The following GRB10 variants were observed in gnomAD, a reference collection of about 807,000 sequenced individuals.
GRB10 encodes the protein growth factor receptor bound protein 10.
A neutral mutation model predicts 80.9 loss-of-function variants in GRB10; 20 were observed. That is an observed-to-expected ratio of 0.25 (90% confidence interval 0.17 to 0.36). The LOEUF (loss-of-function observed/expected upper bound fraction) is 0.36, where lower values mean the gene tolerates loss of function less well. Among genes scored for constraint, GRB10 ranks in the 10% least tolerant of loss-of-function variants. The probability of loss-of-function intolerance (pLI) is 1.00; values close to 1 mark genes in which losing one functional copy is unlikely to be tolerated. For missense variants in GRB10, 548 were observed against 747.7 expected (o/e 0.73, Z 3.12); for synonymous variants, 291 against 291.5 (o/e 1.00, Z 0.02).
At chr7:50,694,522 ACT>A (rs1445802298) in intron 5 of GRB10, among the ~76,000 whole-genome samples, 1 of 152,020 alleles carries the variant, frequency 6.6e-6, no homozygotes, top group Non-Finnish European at 1.5e-5. Context: ...ACCTTGAATG[ACT>A]CTGGCCAATA....
intron 7 of GRB10, among the ~76,000 whole-genome samples, chr7:50,667,388 C>A (rs1441436014): frequency 6.6e-6 from 1 of 152,102 alleles, no homozygotes; most frequent in East Asian, 1.9e-4. Flanking sequence ...ACTTCAGAAT[C>A]CTTGACTAGA....
At chr7:50,792,921 C>A (rs1289365040) in intron 1 of GRB10, 1 of 147,982 alleles carries the variant, frequency 6.8e-6, no homozygotes, top group Admixed American at 6.7e-5. Context: ...CACCTCCCCC[C>A]AGGGGTCGGG....
Position 50,592,871 on chromosome 7 carries a change from T to G in GRB10, c.*81A>C. 1.3e-6 allele frequency: 2 copies of G among 1,493,214 alleles called. No homozygotes were observed. The allele number at this position is 1,493,214 out of a possible 1,614,324, so 92.5% of individuals were successfully genotyped here. ...TGGGTCCCCAGGTGCAGAATCGATG[T>G]GTGTTCTTCACCAACGCACAGACCG... On this transcript the variant is annotated 3_prime_UTR_variant, in exon 19 of 19. Transcript: ENST00000401949.
intron 5 of GRB10, among the ~76,000 whole-genome samples, chr7:50,701,049 T>C (rs1329046353): frequency 2.0e-5 from 3 of 152,212 alleles, no homozygotes; most frequent in African/African-American, 7.2e-5. Context: ...TCTCTTCACA[T>C]CTTGTTTTTT....
At chr7:50,727,326 G>C (rs1429751485) in intron 4 of GRB10, among the ~76,000 whole-genome samples, 2 of 152,214 alleles carry the variant, frequency 1.3e-5, no homozygotes, top group East Asian at 3.9e-4. Context: ...GTGGCCCATG[G>C]TTGGTTGTTG....
At chr7:50,743,257 T>C (rs1052948945) in intron 3 of GRB10, among the ~76,000 whole-genome samples, 1 of 152,248 alleles carries the variant, frequency 6.6e-6, no homozygotes, top group Non-Finnish European at 1.5e-5. Context: ...GAGGATGACC[T>C]TTGATTTTTT....
intron 7 of GRB10, among the ~76,000 whole-genome samples, chr7:50,663,262 T>C (rs2059456601): frequency 6.6e-6 from 1 of 152,098 alleles, no homozygotes; most frequent in African/African-American, 2.4e-5. Flanking sequence ...TGAAGGGACC[T>C]TCCCCCACAA....
At chr7:50,756,932 C>T (rs1052688667) in intron 2 of GRB10, among the ~76,000 whole-genome samples, 1 of 152,192 alleles carries the variant, frequency 6.6e-6, no homozygotes, top group Non-Finnish European at 1.5e-5. Context: ...AGCCTCCTAT[C>T]GCTGTTGGGC....
intron 3 of GRB10, among the ~76,000 whole-genome samples, chr7:50,744,196 C>G (rs1367585102): frequency 6.6e-6 from 1 of 152,156 alleles, no homozygotes; most frequent in African/African-American, 2.4e-5. Flanking sequence ...GGCGCTGCAA[C>G]ACCACGACCA....
chr7:50,736,853 C>A (rs577850288), intron 3 of GRB10, among the ~76,000 whole-genome samples: 1 of 152,242 alleles, frequency 6.6e-6, no homozygotes, highest in South Asian at 2.1e-4. Flanking sequence ...CAAAATGAAG[C>A]TGGACTCTAA....
At chr7:50,714,902 G>A (rs2066603376) in intron 4 of GRB10, among the ~76,000 whole-genome samples, 1 of 152,114 alleles carries the variant, frequency 6.6e-6, no homozygotes, top group Non-Finnish European at 1.5e-5. Context: ...GCCGTAGGAG[G>A]CACATGACAC....
intron 8 of GRB10, among the ~76,000 whole-genome samples, chr7:50,623,489 G>A (rs749731784): frequency 1.2e-4 from 19 of 152,156 alleles, no homozygotes; most frequent in African/African-American, 1.9e-4. Context: ...AGCACAGAGC[G>A]GGCAGGAAAA....
intron 4 of GRB10, chr7:50,726,996 T>G (rs984122734): frequency 6.6e-6 from 1 of 152,208 alleles, no homozygotes; most frequent in African/African-American, 2.4e-5. Flanking sequence ...CCCCACCGCG[T>G]AGCATTGGCA....
At position 50,716,574 on chromosome 7, in the gene GRB10, T is replaced by G. The variant is rs936036429; in HGVS notation, c.52-12666A>C. ...TAAAATGATGAAGATAAATATGCTCTGTGCATTCAAGAAGGAAAAGCAAAG... is the reference window on the plus strand; with the variant it reads ...TAAAATGATGAAGATAAATATGCTCGGTGCATTCAAGAAGGAAAAGCAAAG... On this transcript the variant is annotated intron_variant, in intron 4 of 18. Transcript: ENST00000401949. Among the ~76,000 whole-genome samples, 6 of 152,218 alleles carry G rather than the reference T, an allele frequency of 3.9e-5. No individual in the cohort carries two copies. The South Asian group carries it at 1.0e-3, about 26-fold the overall frequency.
chr7:50,686,433 A>C (rs2062110714), intron 5 of GRB10, among the ~76,000 whole-genome samples: 1 of 152,178 alleles, frequency 6.6e-6, no homozygotes. Context: ...ACTCAAACAG[A>C]CTAAGACAGT....
chr7:50,612,608 T>G (rs976907650), intron 13 of GRB10, 133 bp downstream of exon 13: 29 of 715,572 alleles, frequency 4.1e-5, no homozygotes, highest in African/African-American at 3.0e-4. Context: ...TTAACTACAT[T>G]TGATAAATAA....
intron 4 of GRB10, among the ~76,000 whole-genome samples, chr7:50,716,003 C>G (rs115735409): frequency 1.3e-5 from 2 of 152,286 alleles, no homozygotes; most frequent in Admixed American, 6.5e-5. Flanking sequence ...CCTAAGGAGA[C>G]AGAGTTCAAC....
At chr7:50,776,351 G>T (rs543267390) in intron 2 of GRB10, among the ~76,000 whole-genome samples, 1 of 151,778 alleles carries the variant, frequency 6.6e-6, no homozygotes, top group African/African-American at 2.4e-5. Flanking sequence ...AGTAGCTGGG[G>T]CTAAGTGCAC....
intron 2 of GRB10, among the ~76,000 whole-genome samples, chr7:50,775,148 G>A (rs1432167596): frequency 7.5e-5 from 2 of 26,586 alleles, no homozygotes; most frequent in Non-Finnish European, 2.5e-4. Flanking sequence ...ATGACACAGT[G>A]AGATCCTGTC....
Sources: gnomAD v4.1 joint callset for allele counts (sites outside exome capture counted in the v4.1 genomes callset) on GRCh38, gnomAD v4.1.1 for gene constraint, MANE v1.5 for transcripts, NCBI Gene and HGNC (gene_info 2026-07-23, HGNC 2026-07-21) for gene names.